The following PALM2AKAP2 variants were observed in gnomAD, a reference collection of about 807,000 sequenced individuals.
PALM2AKAP2 encodes PALM2 and AKAP2 fusion.
A neutral mutation model predicts 71.5 loss-of-function variants in PALM2AKAP2; 37 were observed. The observed-to-expected ratio is 0.52, with a 90% CI of 0.40 to 0.68. PALM2AKAP2 has a LOEUF of 0.68. PALM2AKAP2 is among the 30% of genes least tolerant of loss of function. The pLI is 0.00. For missense variants in PALM2AKAP2, 1,224 were observed against 1,191.8 expected, an observed-to-expected ratio of 1.03 and a Z score of -0.40; for synonymous variants, 468 against 478.8, an observed-to-expected ratio of 0.98 and a Z score of 0.29.
chr9:109,895,350 T>G (rs916483858), intron 3 of PALM2AKAP2, among the ~76,000 whole-genome samples: 1 of 152,224 alleles, frequency 6.6e-6, no homozygotes, highest in African/African-American at 2.4e-5. Context: ...GACATTTTAA[T>G]ATTAGCCACA....
At chr9:109,702,341 C>T (rs1828073965) in intron 1 of PALM2AKAP2, among the ~76,000 whole-genome samples, 1 of 152,130 alleles carries the variant, frequency 6.6e-6, no homozygotes, top group Non-Finnish European at 1.5e-5. Context: ...TGGAACCAAC[C>T]CAAATGTCCA....
intron 3 of PALM2AKAP2, among the ~76,000 whole-genome samples, chr9:110,160,470 GC>G (rs563483864): frequency 6.6e-6 from 1 of 152,180 alleles, no homozygotes; most frequent in Non-Finnish European, 1.5e-5. Context: ...AGGTGGGGTT[GC>G]CCACTCATGG....
chr9:110,026,760 A>T (rs936077614), intron 7 of PALM2AKAP2, among the ~76,000 whole-genome samples: 2 of 152,192 alleles, frequency 1.3e-5, no homozygotes, highest in Non-Finnish European at 2.9e-5. Flanking sequence ...AAAAGCCAGT[A>T]AGGCCAGGCG....
intron 1 of PALM2AKAP2, among the ~76,000 whole-genome samples, chr9:110,061,851 A>T (rs1237995086): frequency 1.4e-5 from 2 of 145,500 alleles, no homozygotes; most frequent in Non-Finnish European, 3.0e-5. Context: ...TATTATTATA[A>T]TTTTTTGTTA....
At chr9:109,895,823 A>G (rs1255953644) in intron 3 of PALM2AKAP2, among the ~76,000 whole-genome samples, 2 of 152,204 alleles carry the variant, frequency 1.3e-5, no homozygotes, top group East Asian at 3.8e-4. Flanking sequence ...CAGGAAACTT[A>G]CAATCATGGC....
At chr9:109,970,332 C>T (rs1832042042) in intron 6 of PALM2AKAP2, among the ~76,000 whole-genome samples, 1 of 152,190 alleles carries the variant, frequency 6.6e-6, no homozygotes, top group Admixed American at 6.5e-5. Flanking sequence ...TCTGCACTCA[C>T]TTGGTCACCG....
chr9:110,097,609 C>A (rs1303069728), intron 1 of PALM2AKAP2, among the ~76,000 whole-genome samples: 1 of 148,442 alleles, frequency 6.7e-6, no homozygotes, highest in African/African-American at 2.6e-5. Context: ...GGATGGCGGC[C>A]GGGAAGAGGC....
chr9:110,080,069 C>CA (rs147710381), intron 1 of PALM2AKAP2, among the ~76,000 whole-genome samples: 1,780 of 75,510 alleles, frequency 0.024, 155 homozygotes, highest in African/African-American at 0.085. Flanking sequence ...GACTCTGTCT[C>CA]AAAAAAAAAA....
Position 110,123,065 on chromosome 9 carries a change from A to T in PALM2AKAP2, c.157-13062A>T, listed in dbSNP as rs145508861. On this transcript the variant is annotated intron_variant, in intron 1 of 3. Coordinates refer to ENST00000374525, the Ensembl canonical transcript of PALM2AKAP2. ...ACTGTGACTTTGCCATAGAGTATTT[A>T]TCTAACCTCAACCCTATTTTTGCAG... Among the ~76,000 whole-genome samples the T allele has an allele frequency of 2.0e-3, 298 of 152,314 alleles. 6 individuals carry two copies. Among genetic ancestry groups the T allele is most frequent in the African/African-American group, 6.5e-3 (268 of 41,550 alleles).
At chr9:110,135,164 A>AAAATATATATATAT in intron 1 of PALM2AKAP2, among the ~76,000 whole-genome samples, 4 of 51,718 alleles carry the variant, frequency 7.7e-5, no homozygotes, top group East Asian at 1.3e-3. Flanking sequence ...AAAAAAAAAA[A>AAAATATATATATAT]ATATATAAAT....
intron 1 of PALM2AKAP2, among the ~76,000 whole-genome samples, chr9:110,063,076 G>A (rs1003030399): frequency 1.3e-5 from 2 of 152,098 alleles, no homozygotes; most frequent in Admixed American, 1.3e-4. Flanking sequence ...TATGTAAAAT[G>A]CAGATTCTCC....
At chr9:109,732,274 G>A (rs1401231434) in intron 1 of PALM2AKAP2, among the ~76,000 whole-genome samples, 1 of 152,210 alleles carries the variant, frequency 6.6e-6, no homozygotes, top group African/African-American at 2.4e-5. Context: ...GGCTGGGAAG[G>A]TAGTGTGCTG....
intron 1 of PALM2AKAP2, among the ~76,000 whole-genome samples, chr9:109,848,712 C>T (rs1380505149): frequency 6.7e-6 from 1 of 149,594 alleles, no homozygotes; most frequent in African/African-American, 2.5e-5. Context: ...GAGGCTAAGA[C>T]AGAAGGATCG....
intron 5 of PALM2AKAP2, among the ~76,000 whole-genome samples, chr9:109,930,274 G>A (rs1831064850): frequency 6.6e-6 from 1 of 151,424 alleles, no homozygotes; most frequent in Non-Finnish European, 1.5e-5. Flanking sequence ...CACCCAGGCT[G>A]GAGTGCAGTG....
At chr9:109,924,453 A>G (rs1830906765) in intron 4 of PALM2AKAP2, among the ~76,000 whole-genome samples, 1 of 152,130 alleles carries the variant, frequency 6.6e-6, no homozygotes. Flanking sequence ...CAAAAAAATT[A>G]GCCAGGTGCG....
intron 1 of PALM2AKAP2, among the ~76,000 whole-genome samples, chr9:110,131,969 C>T (rs1411981349): frequency 6.6e-6 from 1 of 151,680 alleles, no homozygotes; most frequent in African/African-American, 2.4e-5. Context: ...AAAAATGTAT[C>T]GGAAAGGAAT....
chr9:110,002,900 C>T (rs1229876670), intron 6 of PALM2AKAP2, among the ~76,000 whole-genome samples: 6 of 151,870 alleles, frequency 4.0e-5, no homozygotes, highest in Non-Finnish European at 7.4e-5. Context: ...TTTTTTATTG[C>T]GTCTATTTGA....
chr9:110,162,049 G>A, intron 3 of PALM2AKAP2, 45 bp from the exon 10 acceptor site: 1 of 1,608,370 alleles, frequency 6.2e-7, no homozygotes, highest in South Asian at 1.1e-5. Flanking sequence ...TTCTGTAAGT[G>A]TGTCACTGCC....
At chr9:110,012,295 AAAAAAGAAAAAGAAAAAG>A in intron 6 of PALM2AKAP2, among the ~76,000 whole-genome samples, 1 of 152,282 alleles carries the variant, frequency 6.6e-6, no homozygotes, top group East Asian at 1.9e-4. Context: ...TCTGTCTCAA[AAAAAAGAAAAAGAAAAAG>A]AAAAAGAAAA....
Sources: allele counts gnomAD v4.1 joint callset (sites outside exome capture counted in the v4.1 genomes callset), GRCh38; gene constraint gnomAD v4.1.1; transcripts MANE v1.5; gene names NCBI Gene and HGNC (gene_info 2026-07-23, HGNC 2026-07-21).